Variants in BAIAP2L1 observed in about 807,000 individuals in gnomAD.
BAIAP2L1 encodes the protein BAR/IMD domain containing adaptor protein 2 like 1.
A neutral mutation model predicts 66.3 loss-of-function variants in BAIAP2L1; 35 were observed. That is an observed-to-expected ratio of 0.53 (90% confidence interval 0.40 to 0.70). BAIAP2L1 has a LOEUF of 0.70. BAIAP2L1 is among the 30% of genes least tolerant of loss of function. BAIAP2L1 has a pLI of 0.00. For missense variants in BAIAP2L1, 622 were observed against 656.9 expected (o/e 0.95, Z 0.58); for synonymous variants, 269 against 248.7 (o/e 1.08, Z -0.77).
intron 3 of BAIAP2L1, among the ~76,000 whole-genome samples, chr7:98,337,537 T>C (rs1270863722): frequency 1.3e-5 from 2 of 152,248 alleles, no homozygotes; most frequent in Non-Finnish European, 2.9e-5. Flanking sequence ...AGCAATCAGA[T>C]GTTAATGGCA....
At chr7:98,322,403 C>A (rs1801275060) in intron 3 of BAIAP2L1, among the ~76,000 whole-genome samples, 1 of 152,148 alleles carries the variant, frequency 6.6e-6, no homozygotes, top group Admixed American at 6.5e-5. Context: ...ACCTCTCTGG[C>A]TGCCCTGCAT....
chr7:98,400,994 C>G lies in BAIAP2L1; in HGVS notation c.-142G>C. ...GCCGCAGCCGTCGGCCCGAGAGTGC[C>G]CGCGCGCGTCTCCGCTGCGAAAATG... On this transcript the variant is annotated 5_prime_UTR_variant, in exon 1 of 14. Coordinates refer to ENST00000005260, the MANE Select transcript of BAIAP2L1 (RefSeq NM_018842.5). The G allele has an allele frequency of 1.6e-6, 1 of 615,836 alleles. No individual in the cohort carries two copies. The highest frequency in any genetic ancestry group is 2.4e-6 in the Non-Finnish European group (1 of 417,058). The allele number at this position is 615,836 out of a possible 1,614,324, so 38.1% of individuals were successfully genotyped here.
At position 98,306,453 on chromosome 7, in the gene BAIAP2L1, G is replaced by T. The variant is rs749260503; in HGVS notation, c.1227C>A (p.Thr409=). The T allele has an allele frequency of 8.7e-6, 14 of 1,614,116 alleles. No individual in the cohort carries two copies. The highest frequency in any genetic ancestry group is 1.2e-5 in the Non-Finnish European group (14 of 1,180,014). Residue 409 remains threonine, a synonymous_variant, in exon 11 of 14, where the codon ACC becomes ACA. Coordinates refer to ENST00000005260, the MANE Select transcript of BAIAP2L1 (RefSeq NM_018842.5). ...LLEENETEAV[T]VPTPSPTPVR... Reference sequence around the variant, plus strand: ...TTCAGGGCTACCTTGGCGTGGGCACGGTCACTGCTTCTGTCTCATTTTCTT... The same window carrying T: ...TTCAGGGCTACCTTGGCGTGGGCACTGTCACTGCTTCTGTCTCATTTTCTT...
chr7:98,381,015 C>G (rs1012053241), intron 1 of BAIAP2L1, among the ~76,000 whole-genome samples: 5 of 152,148 alleles, frequency 3.3e-5, no homozygotes, highest in African/African-American at 9.7e-5. Context: ...ACATGGGTCC[C>G]AGACAGCTGG....
chr7:98,312,834 G>T (rs755249223), intron 7 of BAIAP2L1, among the ~76,000 whole-genome samples: 7 of 152,198 alleles, frequency 4.6e-5, no homozygotes, highest in Non-Finnish European at 7.3e-5. Flanking sequence ...GACCTGACCA[G>T]CAGGGGTGAG....
At chr7:98,377,332 C>T (rs1478356515) in intron 1 of BAIAP2L1, among the ~76,000 whole-genome samples, 1 of 152,134 alleles carries the variant, frequency 6.6e-6, no homozygotes, top group Non-Finnish European at 1.5e-5. Context: ...AGAAACAGAA[C>T]TGCAGAGACA....
chr7:98,293,544 G>A lies in BAIAP2L1; in HGVS notation c.1513C>T (p.Arg505Cys), dbSNP rs368322115. 3.0e-5 allele frequency: 49 copies of A among 1,613,762 alleles called. No individual in the cohort carries two copies. Among genetic ancestry groups the A allele is most frequent in the Non-Finnish European group, 3.8e-5 (45 of 1,179,914 alleles). ...TCTCATCGAATGATGGGTGCCGAGC[G>A]ATCATTCGTCACAGTCGGGCGGAGT... ...VKLRPTVTND[R>C]SAPIIR Residue 505 changes from arginine (R) to cysteine (C), a missense_variant, in exon 14 of 14, where the codon CGC becomes TGC. By Grantham distance (180) the Arg-to-Cys change is radical. Coordinates refer to ENST00000005260, the MANE Select transcript of BAIAP2L1 (RefSeq NM_018842.5).
intron 3 of BAIAP2L1, among the ~76,000 whole-genome samples, chr7:98,352,771 G>A (rs561515058): frequency 9.2e-5 from 14 of 152,338 alleles, no homozygotes; most frequent in African/African-American, 3.1e-4. Flanking sequence ...CATCGTTGCT[G>A]TGGAAATAGC....
chr7:98,345,127 C>G (rs1254578174), intron 3 of BAIAP2L1, among the ~76,000 whole-genome samples: 1 of 152,146 alleles, frequency 6.6e-6, no homozygotes, highest in East Asian at 1.9e-4. Context: ...TAGCGAGACC[C>G]TGTCTTTAAA....
chr7:98,386,434 T>C, intron 1 of BAIAP2L1: 1 of 1,596,518 alleles, frequency 6.3e-7, no homozygotes, highest in Admixed American at 1.7e-5. Flanking sequence ...CCTTGGGTCC[T>C]GGTGACGAGC....
Position 98,307,767 on chromosome 7 carries a change from G to A in BAIAP2L1, c.1085C>T (p.Ala362Val), listed in dbSNP as rs778411071. The stretch of plus-strand genomic sequence containing the variant: ...GAGCAGCGTGATGACATCTCCCTGT[G>A]CAAAGCTGAGTAAGGTCTTGTTGGA... The part of the protein sequence containing the change: ...AGSNKTLLSF[A>V]QGDVITLLIP... The change falls in exon 10 of 14, where the codon GCA becomes GTA. Residue 362 changes from alanine to valine, a missense_variant. Coordinates refer to ENST00000005260, the MANE Select transcript of BAIAP2L1 (RefSeq NM_018842.5). The A allele has an allele frequency of 6.2e-7, 1 of 1,614,240 alleles. No homozygotes were observed. The highest frequency in any genetic ancestry group is 1.1e-5 in the South Asian group (1 of 91,086).
At chr7:98,388,972 TAA>T (rs530629720) in intron 1 of BAIAP2L1, among the ~76,000 whole-genome samples, 23 of 110,576 alleles carry the variant, frequency 2.1e-4, no homozygotes, top group Non-Finnish European at 3.9e-4. Context: ...CCTAAGAAAT[TAA>T]AAAAAAAAAA....
intron 13 of BAIAP2L1, 136 bp from the exon 14 acceptor site, chr7:98,293,732 C>T (rs751319690): frequency 1.0e-4 from 84 of 806,686 alleles, no homozygotes; most frequent in Non-Finnish European, 1.2e-4. Context: ...GTCCCAGCAG[C>T]GTTTTCTGAG....
At chr7:98,357,582 A>AT (rs397723952) in intron 2 of BAIAP2L1, among the ~76,000 whole-genome samples, 1 of 149,604 alleles carries the variant, frequency 6.7e-6, no homozygotes, top group Non-Finnish European at 1.5e-5. Context: ...AAAAAAAAAA[A>AT]GTACATATAT....
At chr7:98,334,799 GC>G (rs1562977154) in intron 3 of BAIAP2L1, among the ~76,000 whole-genome samples, 1 of 151,046 alleles carries the variant, frequency 6.6e-6, no homozygotes, top group Non-Finnish European at 1.5e-5. Context: ...GCCCGCCTCG[GC>G]CTCCCAAAGT....
At chr7:98,383,487 A>G (rs1411636421) in intron 1 of BAIAP2L1, among the ~76,000 whole-genome samples, 1 of 151,790 alleles carries the variant, frequency 6.6e-6, no homozygotes, top group Non-Finnish European at 1.5e-5. Context: ...GGGTTTCTCC[A>G]TGTTGGTCAG....
chr7:98,338,285 G>C (rs1356853459), intron 3 of BAIAP2L1, among the ~76,000 whole-genome samples: 1 of 152,122 alleles, frequency 6.6e-6, no homozygotes, highest in Non-Finnish European at 1.5e-5. Context: ...AGCCGGGCGC[G>C]GTGGCGGGCG....
chr7:98,401,034 A>G lies in BAIAP2L1; in HGVS notation c.-182T>C, dbSNP rs1803359197. The G allele has an allele frequency of 4.4e-6, 2 of 455,620 alleles. No homozygotes were observed. The highest frequency in any genetic ancestry group is 7.2e-6 in the Non-Finnish European group (2 of 278,450). The allele number at this position is 455,620 out of a possible 1,614,324, so 28.2% of individuals were successfully genotyped here. ...CTGCGAAAATGTCAAAACTTGCGGC[A>G]GCGCCGCCCTGGCCTTCTTCGAGGA... is the stretch of plus-strand genomic sequence containing the variant. On this transcript the variant is annotated 5_prime_UTR_variant, in exon 1 of 14. Coordinates refer to ENST00000005260, the MANE Select transcript of BAIAP2L1 (RefSeq NM_018842.5).
At chr7:98,293,982 C>T in intron 13 of BAIAP2L1, 92 bp downstream of exon 13, 3 of 1,413,646 alleles carry the variant, frequency 2.1e-6, no homozygotes, top group East Asian at 2.3e-5. Flanking sequence ...TCAGGCTGGA[C>T]CCCCTGGGCT....
Sources: gnomAD v4.1 joint callset for allele counts (sites outside exome capture counted in the v4.1 genomes callset) on GRCh38, gnomAD v4.1.1 for gene constraint, MANE v1.5 for transcripts, NCBI Gene and HGNC (gene_info 2026-07-23, HGNC 2026-07-21) for gene names.